The following FSTL5 variants were observed in gnomAD, a reference collection of about 807,000 sequenced individuals.
FSTL5 encodes the protein follistatin-related protein 5.
In FSTL5, 62 loss-of-function variants were observed where a neutral mutation model predicts 89.1. That is an observed-to-expected ratio of 0.70 (90% CI 0.57 to 0.86). FSTL5 has a LOEUF of 0.86. Among genes scored for constraint, FSTL5 ranks in the 40% least tolerant of loss-of-function variants. The pLI is 0.00. For missense variants in FSTL5, 1,057 were observed against 1,001.6 expected (o/e 1.06, Z -0.75); for synonymous variants, 383 against 346.2 (o/e 1.11, Z -1.18).
chr4:161,643,822 C>T (rs1736047124), intron 7 of FSTL5, among the ~76,000 whole-genome samples: 1 of 152,140 alleles, frequency 6.6e-6, no homozygotes, highest in Non-Finnish European at 1.5e-5. Context: ...CATGTGGCTA[C>T]TGTAAGAAAA....
chr4:161,991,948 CAA>C (rs766900513), intron 3 of FSTL5, among the ~76,000 whole-genome samples: 1 of 152,074 alleles, frequency 6.6e-6, no homozygotes, highest in Admixed American at 6.6e-5. Context: ...GACAACTGGG[CAA>C]AGAGACTTTC....
chr4:161,686,067 C>A (rs550265603), intron 6 of FSTL5, among the ~76,000 whole-genome samples: 1 of 151,264 alleles, frequency 6.6e-6, no homozygotes, highest in Non-Finnish European at 1.5e-5. Context: ...TATTGACTTG[C>A]GTATGTGAAA....
intron 12 of FSTL5, among the ~76,000 whole-genome samples, chr4:161,497,835 G>A (rs528948070): frequency 2.6e-5 from 4 of 151,538 alleles, no homozygotes; most frequent in Admixed American, 6.6e-5. Flanking sequence ...TGTGGATAAG[G>A]GTTCACTGTT....
chr4:161,698,478 T>C (rs1738264474), intron 6 of FSTL5, among the ~76,000 whole-genome samples: 3 of 152,240 alleles, frequency 2.0e-5, no homozygotes, highest in Middle Eastern at 3.4e-3. Context: ...AATGATGAGG[T>C]ATTGTATTCT....
chr4:161,411,151 C>T (rs570079560), intron 15 of FSTL5, among the ~76,000 whole-genome samples: 18 of 152,162 alleles, frequency 1.2e-4, no homozygotes, highest in African/African-American at 4.1e-4. Context: ...AGATTGAAAG[C>T]GTGAATAGAC....
At chr4:161,646,488 A>AT (rs1736159133) in intron 7 of FSTL5, among the ~76,000 whole-genome samples, 1 of 151,922 alleles carries the variant, frequency 6.6e-6, no homozygotes, top group African/African-American at 2.4e-5. Flanking sequence ...ATAAGATATA[A>AT]TATTCTCTAT....
At chr4:162,105,512 A>T (rs973493582) in intron 2 of FSTL5, among the ~76,000 whole-genome samples, 28 of 152,104 alleles carry the variant, frequency 1.8e-4, no homozygotes, top group African/African-American at 6.8e-4. Context: ...TGATTTTTTA[A>T]TTATTCTTCA....
At position 161,756,411 on chromosome 4, in the gene FSTL5, TACAA is replaced by T. The variant is rs1317280009; in HGVS notation, c.727+2996_727+2999del. On this transcript the variant is annotated intron_variant, in intron 6 of 15. Transcript: ENST00000306100. The stretch of plus-strand genomic sequence containing the variant: ...TATTCACTAAATTCATTGTATTTAC[TACAA>T]ACAATTTCCATAAAATTTTTTAACA... Among the ~76,000 whole-genome samples the T allele has an allele frequency of 2.0e-5, 3 of 152,106 alleles. No homozygotes were observed. The East Asian group carries it at 5.8e-4, about 29-fold the overall frequency.
intron 6 of FSTL5, among the ~76,000 whole-genome samples, chr4:161,669,310 C>T (rs1443887689): frequency 6.6e-6 from 1 of 151,832 alleles, no homozygotes; most frequent in Non-Finnish European, 1.5e-5. Context: ...CCTGAGGTGT[C>T]TAGAGAGGCA....
chr4:161,984,431 A>T (rs1216508202), intron 3 of FSTL5, among the ~76,000 whole-genome samples: 1 of 152,148 alleles, frequency 6.6e-6, no homozygotes, highest in Non-Finnish European at 1.5e-5. Flanking sequence ...TGAATGTTAT[A>T]CATGTATTTA....
At chr4:161,730,448 G>T (rs373084110) in intron 6 of FSTL5, among the ~76,000 whole-genome samples, 1 of 151,612 alleles carries the variant, frequency 6.6e-6, no homozygotes, top group Non-Finnish European at 1.5e-5. Flanking sequence ...ATTTAACATA[G>T]AATTATTTAT....
At chr4:161,550,624 G>A (rs1251721736) in intron 8 of FSTL5, among the ~76,000 whole-genome samples, 2 of 149,290 alleles carry the variant, frequency 1.3e-5, no homozygotes, top group South Asian at 2.1e-4. Flanking sequence ...GGGTACATGA[G>A]CACATTGTGC....
intron 6 of FSTL5, among the ~76,000 whole-genome samples, chr4:161,693,854 G>A (rs1333696648): frequency 6.6e-6 from 1 of 151,842 alleles, no homozygotes; most frequent in South Asian, 2.1e-4. Flanking sequence ...TAGCCAGGAT[G>A]GTCTCGATCT....
chr4:161,877,080 C>T (rs961183628), intron 4 of FSTL5, among the ~76,000 whole-genome samples: 1 of 149,748 alleles, frequency 6.7e-6, no homozygotes, highest in Non-Finnish European at 1.5e-5. Context: ...GCTACTCGGG[C>T]GGCTGAGGCA....
At chr4:162,011,151 A>T (rs1681199029) in intron 3 of FSTL5, among the ~76,000 whole-genome samples, 1 of 152,104 alleles carries the variant, frequency 6.6e-6, no homozygotes, top group South Asian at 2.1e-4. Flanking sequence ...CTAGAGTGCA[A>T]GGATGCCTGG....
chr4:161,949,672 CTA>C (rs940680610), intron 3 of FSTL5, among the ~76,000 whole-genome samples: 41 of 151,052 alleles, frequency 2.7e-4, no homozygotes, highest in Non-Finnish European at 8.9e-5. Flanking sequence ...TATATTTTTT[CTA>C]TATGTTTGTT....
chr4:161,783,795 T>A (rs1400268544), intron 4 of FSTL5, among the ~76,000 whole-genome samples: 1 of 145,050 alleles, frequency 6.9e-6, no homozygotes, highest in African/African-American at 2.6e-5. Context: ...CTCACTGTTG[T>A]CACCCAGGCT....
intron 2 of FSTL5, among the ~76,000 whole-genome samples, chr4:162,087,615 G>C (rs62331268): frequency 6.6e-6 from 1 of 152,078 alleles, no homozygotes; most frequent in African/African-American, 2.4e-5. Flanking sequence ...AGAGCCACTG[G>C]AATTCTGGGG....
intron 2 of FSTL5, among the ~76,000 whole-genome samples, chr4:162,063,556 TATTTCTAAAA>T (rs1182819240): frequency 6.6e-6 from 1 of 151,816 alleles, no homozygotes; most frequent in Non-Finnish European, 1.5e-5. Flanking sequence ...TTCATGTGAT[TATTTCTAAAA>T]GAAAAACAGC....
Sources: gnomAD v4.1 joint callset for allele counts (sites outside exome capture counted in the v4.1 genomes callset) on GRCh38, gnomAD v4.1.1 for gene constraint, MANE v1.5 for transcripts, NCBI Gene and HGNC (gene_info 2026-07-23, HGNC 2026-07-21) for gene names.